CASQ2: variants seen among roughly 807,000 people sequenced by gnomAD.
The protein encoded by CASQ2 is calsequestrin-2.
A neutral mutation model predicts 46.5 loss-of-function variants in CASQ2; 49 were observed. The observed-to-expected ratio is 1.05, with a 90% CI of 0.84 to 1.34. CASQ2 has a LOEUF of 1.34. Among genes scored for constraint, CASQ2 ranks in the 40% most tolerant of loss-of-function variants. The pLI, the probability that CASQ2 is intolerant of heterozygous loss-of-function variation, is 0.00. For synonymous variants in CASQ2, 174 were observed against 168.5 expected, an observed-to-expected ratio of 1.03 and a Z score of -0.25; for missense variants, 486 against 481.3, an observed-to-expected ratio of 1.01 and a Z score of -0.09.
intron 8 of CASQ2, among the ~76,000 whole-genome samples, chr1:115,709,789 T>A (rs1459639974): frequency 1.3e-5 from 2 of 152,228 alleles, no homozygotes; most frequent in East Asian, 1.9e-4. Context: ...AATCTCCTTT[T>A]TTTCACATGA....
At chr1:115,711,596 T>TTG (rs1378543552) in intron 8 of CASQ2, among the ~76,000 whole-genome samples, 4 of 151,486 alleles carry the variant, frequency 2.6e-5, no homozygotes, top group Non-Finnish European at 5.9e-5. Context: ...TTTTAAGATT[T>TTG]TTTTTTTTTT....
At position 115,701,247 on chromosome 1, in the gene CASQ2, A is replaced by T; in HGVS notation, c.1194T>A (p.Asp398Glu). 1 of 1,612,328 alleles carries T rather than the reference A, an allele frequency of 6.2e-7. No individual in the cohort carries two copies. Among genetic ancestry groups the T allele is most frequent in the South Asian group, 1.1e-5 (1 of 91,002 alleles). Residue 398 changes from aspartate to glutamate, a missense_variant, in exon 11 of 11, where the codon GAT becomes GAA. Transcript: ENST00000261448. ...EDNDDSDDDD[D>E]E ...AGAATTGTTTGGAGTTGGGCTATTC[A>T]TCATCATCGTCATCACTGTCATCAT...
chr1:115,726,949 C>T, intron 6 of CASQ2, 43 bp downstream of exon 6: 2 of 1,204,962 alleles, frequency 1.7e-6, no homozygotes, highest in Non-Finnish European at 2.4e-6. Context: ...CTCTCCATTC[C>T]CCAGACCCCA....
intron 6 of CASQ2, among the ~76,000 whole-genome samples, chr1:115,725,836 G>T (rs1296672936): frequency 3.9e-5 from 6 of 152,162 alleles, no homozygotes; most frequent in Non-Finnish European, 8.8e-5. Flanking sequence ...CACAGGGTCA[G>T]CTCATTCCCA....
intron 4 of CASQ2, among the ~76,000 whole-genome samples, chr1:115,737,046 A>G (rs1425955637): frequency 6.6e-6 from 1 of 152,182 alleles, no homozygotes; most frequent in African/African-American, 2.4e-5. Context: ...TACATGGATG[A>G]AGAGGATAGA....
rs564853980 is a variant in CASQ2, at chr1:115,733,713, TGTGGTGGTG to T, written c.533-748_533-740del. 8.1e-4 allele frequency among the ~76,000 whole-genome samples: 123 copies of T among 151,976 alleles called. 1 individual carries two copies. The highest frequency in any genetic ancestry group is 3.9e-4 in the East Asian group (2 of 5,172). ...CCTTAGTTGTGAGGGTGATGGTAAT[TGTGGTGGTG>T]GTGGTGGTGGTTATGAATAAATGCT... On this transcript the variant is annotated intron_variant, in intron 4 of 10. Transcript: ENST00000261448.
chr1:115,738,512 GAACTT>G (rs1375417225), intron 3 of CASQ2, among the ~76,000 whole-genome samples, 177 bp from the exon 4 acceptor site: 2 of 152,196 alleles, frequency 1.3e-5, no homozygotes, highest in Non-Finnish European at 2.9e-5. Context: ...CTGAGGAATA[GAACTT>G]AACTTAAAGA....
chr1:115,761,481 GAAGA>G (rs1648950794), intron 1 of CASQ2, among the ~76,000 whole-genome samples: 2 of 26,644 alleles, frequency 7.5e-5, no homozygotes, highest in Admixed American at 3.6e-4. Flanking sequence ...AGAAGAAGAA[GAAGA>G]AGGAGAAGAA....
intron 7 of CASQ2, among the ~76,000 whole-genome samples, chr1:115,722,918 T>C (rs1207756721): frequency 1.3e-5 from 2 of 151,940 alleles, no homozygotes; most frequent in African/African-American, 4.8e-5. Context: ...TGTGGTGGTA[T>C]GCACCTGTAA....
chr1:115,731,296 G>A (rs1647775281), intron 5 of CASQ2, among the ~76,000 whole-genome samples: 2 of 152,128 alleles, frequency 1.3e-5, no homozygotes, highest in South Asian at 4.1e-4. Flanking sequence ...TGAGCTCAAC[G>A]TTGAACCACC....
intron 1 of CASQ2, among the ~76,000 whole-genome samples, chr1:115,747,273 C>T (rs1570842841): frequency 6.6e-6 from 1 of 152,132 alleles, no homozygotes; most frequent in East Asian, 1.9e-4. Flanking sequence ...TGTCAAAAAT[C>T]AGTTGGCATA....
chr1:115,716,634 C>T (rs190784600), intron 8 of CASQ2, among the ~76,000 whole-genome samples: 42 of 152,256 alleles, frequency 2.8e-4, no homozygotes, highest in Non-Finnish European at 5.0e-4. Flanking sequence ...GTTTGGGCAG[C>T]AAAGCAGAAT....
intron 8 of CASQ2, among the ~76,000 whole-genome samples, chr1:115,706,896 G>T (rs745791883): frequency 6.6e-6 from 1 of 152,092 alleles, no homozygotes; most frequent in Non-Finnish European, 1.5e-5. Context: ...CAGGCAAAAC[G>T]CATACTATTC....
intron 9 of CASQ2, among the ~76,000 whole-genome samples, chr1:115,703,218 G>A (rs951380035): frequency 1.4e-4 from 22 of 152,354 alleles, no homozygotes; most frequent in African/African-American, 5.3e-4. Flanking sequence ...TGTGTCTGCA[G>A]CTGTAAGAGA....
intron 2 of CASQ2, among the ~76,000 whole-genome samples, chr1:115,743,226 T>C (rs1383084580): frequency 6.6e-6 from 1 of 150,614 alleles, no homozygotes; most frequent in Non-Finnish European, 1.5e-5. Context: ...TATTTATTTA[T>C]TTATTTATTC....
At chr1:115,759,733 T>G (rs1158612338) in intron 1 of CASQ2, among the ~76,000 whole-genome samples, 1 of 152,258 alleles carries the variant, frequency 6.6e-6, no homozygotes, top group Admixed American at 6.5e-5. Context: ...CAGTTTTCTC[T>G]GAGAAGCTTT....
chr1:115,705,181 G>C lies in CASQ2; in HGVS notation c.939+11C>G. The C allele has an allele frequency of 1.3e-6, 2 of 1,570,388 alleles. No individual in the cohort carries two copies. Among genetic ancestry groups the C allele is most frequent in the Non-Finnish European group, 1.8e-6 (2 of 1,139,948 alleles). On this transcript the variant is annotated intron_variant, in intron 9 of 10. Coordinates refer to ENST00000261448, the MANE Select transcript of CASQ2 (RefSeq NM_001232.4). ...GCAACTGAGGGTGGGGCGCTGGCTG[G>C]AGCCACTCACCAGAGGAAAGTCGTC...
chr1:115,740,350 T>C (rs1648134096), intron 3 of CASQ2, among the ~76,000 whole-genome samples: 2 of 152,194 alleles, frequency 1.3e-5, no homozygotes, highest in Non-Finnish European at 2.9e-5. Flanking sequence ...CAGGGTGACC[T>C]GGCTGATTGG....
intron 8 of CASQ2, among the ~76,000 whole-genome samples, chr1:115,716,205 A>C (rs1450760851): frequency 6.6e-6 from 1 of 152,236 alleles, no homozygotes; most frequent in Non-Finnish European, 1.5e-5. Context: ...TGTCTCACAG[A>C]GCACTGCCAT....
Sources: allele counts gnomAD v4.1 joint callset (sites outside exome capture counted in the v4.1 genomes callset), GRCh38; gene constraint gnomAD v4.1.1; transcripts MANE v1.5; gene names NCBI Gene and HGNC (gene_info 2026-07-23, HGNC 2026-07-21).